The following LCA5L variants were observed in gnomAD, a reference collection of about 807,000 sequenced individuals.
The protein encoded by LCA5L is lebercilin LCA5 like.
A neutral mutation model predicts 45.4 loss-of-function variants in LCA5L; 35 were observed. The observed-to-expected ratio is 0.77, with a 90% CI of 0.59 to 1.02. LCA5L has a LOEUF of 1.02. Among genes scored for constraint, LCA5L ranks in the 50% least tolerant of loss-of-function variants. The pLI is 0.00. For missense variants in LCA5L, 668 were observed against 761.6 expected (o/e 0.88, Z 1.45); for synonymous variants, 233 against 264.7 (o/e 0.88, Z 1.16).
At chr21:39,445,025 T>A (rs2077302609) in intron 1 of LCA5L, among the ~76,000 whole-genome samples, 1 of 151,758 alleles carries the variant, frequency 6.6e-6, no homozygotes, top group Admixed American at 6.6e-5. Flanking sequence ...AGGCTCTGAG[T>A]ACAGGCGACT....
chr21:39,434,599 G>T (rs1419752693), intron 3 of LCA5L, among the ~76,000 whole-genome samples: 1 of 152,068 alleles, frequency 6.6e-6, no homozygotes, highest in Non-Finnish European at 1.5e-5. Flanking sequence ...CTCACTGCAG[G>T]CTTGACCTCC....
intron 6 of LCA5L, chr21:39,421,780 TAAAG>T (rs2073809726): frequency 6.6e-6 from 1 of 152,156 alleles, no homozygotes; most frequent in Non-Finnish European, 1.5e-5. Flanking sequence ...ACATTAATGT[TAAAG>T]AAATAACATG....
chr21:39,417,674 A>G (rs940350775), intron 7 of LCA5L, among the ~76,000 whole-genome samples: 1 of 152,214 alleles, frequency 6.6e-6, no homozygotes, highest in East Asian at 1.9e-4. Context: ...ATGGTTGAAG[A>G]CAAAGGAGGA....
chr21:39,438,373 A>T (rs1262211334), intron 2 of LCA5L, among the ~76,000 whole-genome samples: 1 of 152,148 alleles, frequency 6.6e-6, no homozygotes, highest in Non-Finnish European at 1.5e-5. Flanking sequence ...TGTTTAAAAA[A>T]TTATTAAAAG....
At chr21:39,425,804 G>A (rs1318929781) in intron 5 of LCA5L, 1 of 152,376 alleles carries the variant, frequency 6.6e-6, no homozygotes, top group Non-Finnish European at 1.5e-5. Flanking sequence ...TCACTGAGAT[G>A]AGAAGGATGC....
At chr21:39,437,897 G>A (rs955371341) in intron 2 of LCA5L, among the ~76,000 whole-genome samples, 6 of 152,010 alleles carry the variant, frequency 3.9e-5, no homozygotes, top group Non-Finnish European at 8.8e-5. Flanking sequence ...TTAAGTGAAG[G>A]ACACATTTTG....
rs1365492481 is a variant in LCA5L at position 39,409,464 on chromosome 21, G to A, written c.1282+515C>T. On this transcript the variant is annotated intron_variant, in intron 10 of 10. Coordinates refer to ENST00000288350, the MANE Select transcript of LCA5L (RefSeq NM_152505.4). The surrounding 1 kb of genome is among the most constrained non-coding windows in gnomAD (Gnocchi z 4.2). The stretch of plus-strand genomic sequence containing the variant: ...ACCCAAGACGGTGGTGGTTTCTGGT[G>A]GGCAGGGCGAGGGGATATGATTGTG... Among the ~76,000 whole-genome samples the A allele has an allele frequency of 6.6e-6, 1 of 152,150 alleles. No individual in the cohort carries two copies. The highest frequency in any genetic ancestry group is 2.4e-5 in the African/African-American group (1 of 41,432).
chr21:39,407,475 A>G (rs1459686300), intron 10 of LCA5L, among the ~76,000 whole-genome samples: 1 of 152,204 alleles, frequency 6.6e-6, no homozygotes, highest in African/African-American at 2.4e-5. Context: ...CGAACCTACA[A>G]AAAATAGACA....
In LCA5L at chr21:39,406,422, T is replaced by C. The variant is rs751503763; in HGVS notation, c.1473A>G (p.Glu491=). The part of the protein sequence containing the change: ...ESNQEDVLVR[E]KFKRSMQRNG... ...TTCTCTGCATGCTTCTTTTAAACTT[T>C]TCTCTTACTAGAACATCTTCTTGAT... Residue 491 remains glutamate, a synonymous_variant, in exon 11 of 11, where the codon GAA becomes GAG. Coordinates refer to ENST00000288350, the MANE Select transcript of LCA5L (RefSeq NM_152505.4). 6.2e-7 allele frequency: 1 copy of C among 1,614,166 alleles called. No individual in the cohort carries two copies. Among genetic ancestry groups the C allele is most frequent in the South Asian group, 1.1e-5 (1 of 91,078 alleles).
intron 7 of LCA5L, among the ~76,000 whole-genome samples, chr21:39,415,988 A>T (rs2041081646): frequency 6.6e-6 from 1 of 152,178 alleles, no homozygotes; most frequent in Non-Finnish European, 1.5e-5. Context: ...CGTATCTCTT[A>T]TGTGATACTA....
chr21:39,419,656 C>T (rs2041954410), intron 7 of LCA5L, among the ~76,000 whole-genome samples: 1 of 152,018 alleles, frequency 6.6e-6, no homozygotes, highest in Non-Finnish European at 1.5e-5. Flanking sequence ...GATTAGGTCA[C>T]AAGGGCAGAA....
chr21:39,420,249 C>T lies in LCA5L; in HGVS notation c.975+457G>A, dbSNP rs144083415. 2.1e-4 allele frequency among the ~76,000 whole-genome samples: 32 copies of T among 152,062 alleles called. 1 individual carries two copies. The East Asian group carries it at 6.0e-3, about 28-fold the overall frequency. ...GAAGTTACATAATTTAGGCCAGGTG[C>T]GGTGGCTCACACCTGTAATCCCAGC... On this transcript the variant is annotated intron_variant, in intron 7 of 10. Transcript: ENST00000288350.
chr21:39,411,884 G>A, intron 7 of LCA5L, 82 bp from the exon 8 acceptor site: 3 of 730,596 alleles, frequency 4.1e-6, no homozygotes, highest in South Asian at 3.6e-5. Context: ...ATTTAAATGA[G>A]CTCAGTATCC....
intron 3 of LCA5L, among the ~76,000 whole-genome samples, chr21:39,433,171 C>T (rs1019936063): frequency 1.3e-5 from 2 of 152,158 alleles, no homozygotes; most frequent in African/African-American, 2.4e-5. Flanking sequence ...AATCCCAGCA[C>T]TTTGGGAGGC....
In LCA5L at chr21:39,410,035, AT is replaced by A; in HGVS notation, c.1225del (p.Ile409PhefsTer5). 5 of 1,609,080 alleles carry A rather than the reference AT, an allele frequency of 3.1e-6. No individual in the cohort carries two copies. Among genetic ancestry groups the A allele is most frequent in the Non-Finnish European group, 4.3e-6 (5 of 1,176,038 alleles). ...TGGTAGTTTATTCACACAGTGAGGAATTTCATGATTTATTTCAGTTGATTTT... is the reference window on the plus strand; with the variant it reads ...TGGTAGTTTATTCACACAGTGAGGAATTCATGATTTATTTCAGTTGATTTT... ...KEKSTEINHE[I>X]PHCVNKLPKQ... is the part of the protein sequence containing the mutation. On this transcript the variant is annotated frameshift_variant, in exon 10 of 11. Coordinates refer to ENST00000288350, the MANE Select transcript of LCA5L (RefSeq NM_152505.4). LOFTEE classifies it high-confidence loss of function.
chr21:39,439,057 T>C (rs1377172347), intron 2 of LCA5L: 1 of 152,170 alleles, frequency 6.6e-6, no homozygotes, highest in African/African-American at 2.4e-5. Flanking sequence ...GGTGGGAAGA[T>C]TATCTTGAGT....
In LCA5L at chr21:39,420,690, G is replaced by A. The variant is rs781306507; in HGVS notation, c.975+16C>T. On this transcript the variant is annotated intron_variant, in intron 7 of 10. Coordinates refer to ENST00000288350, the MANE Select transcript of LCA5L (RefSeq NM_152505.4). ...AAACAGGATTTCATTCTTACATTTT[G>A]TTTTAAAAGAAATACCTTAAGTTTT... 1.2e-6 allele frequency: 2 copies of A among 1,600,036 alleles called. No homozygotes were observed. The highest frequency in any genetic ancestry group is 2.2e-5 in the South Asian group (2 of 90,496).
chr21:39,445,014 T>C (rs9983716), intron 1 of LCA5L, among the ~76,000 whole-genome samples: 78,021 of 151,562 alleles, frequency 0.51, 20,497 homozygotes, highest in East Asian at 0.67. Flanking sequence ...GGAATTCAGA[T>C]AGGCTCTGAG....
At chr21:39,439,704 A>C (rs776526984) in intron 2 of LCA5L, 4 of 152,104 alleles carry the variant, frequency 2.6e-5, no homozygotes, top group Non-Finnish European at 5.9e-5. Context: ...TCTCATAAGC[A>C]CTCCATGAAG....
Sources: gnomAD v4.1 joint callset for allele counts (sites outside exome capture counted in the v4.1 genomes callset) on GRCh38, gnomAD v4.1.1 for gene constraint, Gnocchi (gnomAD v3.1) non-coding constraint, MANE v1.5 for transcripts, NCBI Gene and HGNC (gene_info 2026-07-23, HGNC 2026-07-21) for gene names.